HMCN1: variants seen among roughly 807,000 people sequenced by gnomAD.
The protein encoded by HMCN1 is hemicentin-1.
In HMCN1, 321 loss-of-function variants were observed where a neutral mutation model predicts 625.9. The ratio of observed to expected loss-of-function variants is 0.51; its 90% CI spans 0.47 to 0.56. The LOEUF (loss-of-function observed/expected upper bound fraction) is 0.56, where lower values mean the gene tolerates loss of function less well. Among genes scored for constraint, HMCN1 ranks in the 20% least tolerant of loss-of-function variants. The probability of loss-of-function intolerance (pLI) is 0.00; values close to 1 mark genes in which losing one functional copy is unlikely to be tolerated. For missense variants in HMCN1, 6,588 were observed against 6,887.3 expected (o/e 0.96, Z 1.54); for synonymous variants, 2,425 against 2,417.6 (o/e 1.00, Z -0.09).
At chr1:185,824,100 A>G (rs1231635434) in intron 1 of HMCN1, among the ~76,000 whole-genome samples, 1 of 152,136 alleles carries the variant, frequency 6.6e-6, no homozygotes, top group African/African-American at 2.4e-5. Flanking sequence ...TATTTTTGTT[A>G]ACTCACATGT....
At chr1:185,798,868 T>C (rs1658583809) in intron 1 of HMCN1, among the ~76,000 whole-genome samples, 2 of 152,158 alleles carry the variant, frequency 1.3e-5, no homozygotes, top group Admixed American at 1.3e-4. Context: ...GAATTCTTTA[T>C]CTGATATTAC....
chr1:186,136,195 A>T (rs1268166728), intron 86 of HMCN1, among the ~76,000 whole-genome samples: 1 of 152,190 alleles, frequency 6.6e-6, no homozygotes, highest in Admixed American at 6.5e-5. Flanking sequence ...GAATGAGTTA[A>T]TGACTCTTTA....
chr1:185,967,011 T>G (rs763905876), intron 14 of HMCN1, among the ~76,000 whole-genome samples: 1 of 152,200 alleles, frequency 6.6e-6, no homozygotes. Flanking sequence ...ATCAGGTTTA[T>G]GTTGGTTAAC....
At position 186,157,069 on chromosome 1, in the gene HMCN1, A is replaced by G. The variant is rs144833116; in HGVS notation, c.15256+3082A>G. On this transcript the variant is annotated intron_variant, in intron 97 of 106. Coordinates refer to ENST00000271588, the MANE Select transcript of HMCN1 (RefSeq NM_031935.3). ...AGTAGAAATGGGACCAAGGGAACCTATATTTTTAATAGGATTTTCAAATGA... is the reference window on the plus strand; with the variant it reads ...AGTAGAAATGGGACCAAGGGAACCTGTATTTTTAATAGGATTTTCAAATGA... 7.6e-3 allele frequency among the ~76,000 whole-genome samples: 1,162 copies of G among 152,334 alleles called. 5 individuals are homozygous for G. The highest frequency in any genetic ancestry group is 0.014 in the South Asian group (66 of 4,830).
chr1:185,945,255 A>G (rs1288840590), intron 11 of HMCN1, among the ~76,000 whole-genome samples: 1 of 152,228 alleles, frequency 6.6e-6, no homozygotes, highest in Non-Finnish European at 1.5e-5. Flanking sequence ...TATTTATGCT[A>G]TGCCCCTAGG....
chr1:185,989,754 C>A, intron 21 of HMCN1, 107 bp downstream of exon 21: 6 of 942,724 alleles, frequency 6.4e-6, no homozygotes, highest in Non-Finnish European at 9.6e-6. Flanking sequence ...CTAAAGTGAA[C>A]TGCTCCCCCA....
rs1661796072 is a variant in HMCN1, at chr1:186,129,197, G to T, written c.12905-769G>T. On this transcript the variant is annotated intron_variant, in intron 83 of 106. Transcript: ENST00000271588. ...TTCCACTTAATATTCAGCAGTAAAA[G>T]ATTTAAAAAAAAAAAACTTAAATGA... is the stretch of plus-strand genomic sequence containing the variant. Among the ~76,000 whole-genome samples the T allele has an allele frequency of 2.9e-5, 3 of 103,996 alleles. 1 individual carries two copies. The South Asian group carries it at 8.6e-4, about 30-fold the overall frequency. The allele number at this position is 103,996 out of a possible 152,430, so 68.2% of individuals were successfully genotyped here. A position where few individuals can be genotyped will look rare whatever the true frequency, so the allele number is the denominator to read the frequency against.
At chr1:186,123,485 A>G (rs1181832137) in intron 81 of HMCN1, among the ~76,000 whole-genome samples, 1 of 152,100 alleles carries the variant, frequency 6.6e-6, no homozygotes, top group Non-Finnish European at 1.5e-5. Context: ...ACCCTCACAT[A>G]TTGTGATTAG....
At chr1:185,829,809 A>G (rs1660744733) in intron 1 of HMCN1, among the ~76,000 whole-genome samples, 1 of 152,196 alleles carries the variant, frequency 6.6e-6, no homozygotes, top group South Asian at 2.1e-4. Flanking sequence ...TTCTGGTTCT[A>G]GATCCTTGAA....
chr1:185,910,508 A>G (rs1413173429), intron 5 of HMCN1, among the ~76,000 whole-genome samples: 1 of 152,126 alleles, frequency 6.6e-6, no homozygotes, highest in African/African-American at 2.4e-5. Flanking sequence ...GTCACTGGGC[A>G]TACAATGATT....
chr1:185,902,583 G>T (rs1665878966), intron 4 of HMCN1, among the ~76,000 whole-genome samples: 1 of 151,666 alleles, frequency 6.6e-6, no homozygotes, highest in Non-Finnish European at 1.5e-5. Context: ...TATTAAATGT[G>T]TGAGTGTGTA....
Position 185,925,185 on chromosome 1 carries a change from A to G in HMCN1, c.1424A>G (p.Tyr475Cys). The G allele has an allele frequency of 6.2e-7, 1 of 1,613,298 alleles. No individual in the cohort carries two copies. Among genetic ancestry groups the G allele is most frequent in the Non-Finnish European group, 8.5e-7 (1 of 1,179,274 alleles). Residue 475 changes from tyrosine to cysteine, a missense_variant, in exon 9 of 107, where the codon TAT becomes TGT. By Grantham distance (194) the Tyr-to-Cys change is radical. This residue lies in a region of HMCN1 where 4,628 missense variants were observed against 4,853.1 expected (regional missense o/e 0.95). Transcript: ENST00000271588. ...RNGVTLGVDQ[Y>C]LKESASVNLD... is the part of the protein sequence containing the mutation. Reference sequence around the variant, plus strand: ...GGAGTTACACTTGGAGTAGACCAGTATTTGAAGTAGGTACATGTTTCTGTC... The same window carrying G: ...GGAGTTACACTTGGAGTAGACCAGTGTTTGAAGTAGGTACATGTTTCTGTC...
In HMCN1 at chr1:186,132,356, T is replaced by C. The variant is rs773305454; in HGVS notation, c.13259T>C (p.Val4420Ala). The change falls in exon 86 of 107, where the codon GTA becomes GCA. Residue 4420 changes from valine (V) to alanine (A), a missense_variant. This residue lies in a region of HMCN1 where 1,954 missense variants were observed against 2,013.1 expected (regional missense o/e 0.97). Coordinates refer to ENST00000271588, the MANE Select transcript of HMCN1 (RefSeq NM_031935.3). ...GAAGATGCCGGTGACTATACATGTG[T>C]AGCTACCAATGAAGCTGGGGTGGTG... ...VNEDAGDYTC[V>A]ATNEAGVVER... 6.2e-7 allele frequency: 1 copy of C among 1,612,916 alleles called. No homozygotes were observed. The highest frequency in any genetic ancestry group is 8.5e-7 in the Non-Finnish European group (1 of 1,179,422).
Position 186,069,181 on chromosome 1 carries a change from G to C in HMCN1, c.7880-482G>C, listed in dbSNP as rs535745586. Among the ~76,000 whole-genome samples the C allele has an allele frequency of 9.4e-4, 143 of 152,230 alleles. 1 individual carries two copies. The highest frequency in any genetic ancestry group is 3.4e-3 in the African/African-American group (141 of 41,524). ...GAAATAAGTTCAGCAAGAAAAGCTG[G>C]AGTCATGTTTTGAATGCCTGAATTA... On this transcript the variant is annotated intron_variant, in intron 50 of 106. Coordinates refer to ENST00000271588, the MANE Select transcript of HMCN1 (RefSeq NM_031935.3).
intron 56 of HMCN1, 119 bp from the exon 57 acceptor site, chr1:186,082,746 A>G: frequency 2.2e-6 from 1 of 454,130 alleles, no homozygotes; most frequent in Non-Finnish European, 3.8e-6. Flanking sequence ...TATGTACAAC[A>G]TTTTTTTCTA....
intron 1 of HMCN1, among the ~76,000 whole-genome samples, chr1:185,751,886 T>C (rs1160600695): frequency 6.6e-6 from 1 of 151,656 alleles, no homozygotes; most frequent in Admixed American, 6.6e-5. Flanking sequence ...ATTACTAGAG[T>C]CTCATATTTT....
chr1:185,904,259 C>A (rs1665971431), intron 4 of HMCN1, among the ~76,000 whole-genome samples: 3 of 151,840 alleles, frequency 2.0e-5, no homozygotes, highest in African/African-American at 7.2e-5. Flanking sequence ...GAGAGATAGG[C>A]TCTTCTGGTT....
intron 4 of HMCN1, among the ~76,000 whole-genome samples, chr1:185,897,146 T>C (rs570504963): frequency 3.3e-5 from 5 of 152,320 alleles, no homozygotes; most frequent in African/African-American, 7.2e-5. Context: ...ATCTAAGCTA[T>C]CTTTGGAATC....
intron 80 of HMCN1, among the ~76,000 whole-genome samples, 197 bp downstream of exon 80, chr1:186,120,342 A>G (rs556989538): frequency 6.6e-6 from 1 of 152,310 alleles, no homozygotes; most frequent in Non-Finnish European, 1.5e-5. Context: ...CATTGTTTGT[A>G]TAAGAAAACA....
Sources: gnomAD v4.1 joint callset for allele counts (sites outside exome capture counted in the v4.1 genomes callset) on GRCh38, gnomAD v4.1.1 for gene constraint, gnomAD v4.1.1 regional missense constraint, MANE v1.5 for transcripts, NCBI Gene and HGNC (gene_info 2026-07-23, HGNC 2026-07-21) for gene names.